The following CAPN12 variants were observed in gnomAD, a reference collection of about 807,000 sequenced individuals.
The protein encoded by CAPN12 is calpain-12.
Under a neutral mutation model 95.0 loss-of-function variants are expected in CAPN12, and 107 were observed. The ratio of observed to expected loss-of-function variants is 1.13; its 90% CI spans 0.96 to 1.32. The LOEUF (loss-of-function observed/expected upper bound fraction) is 1.32. Ranked by LOEUF, CAPN12 falls within the 40% of genes most tolerant of loss-of-function variation. The pLI is 0.00. For missense variants in CAPN12, 1,136 were observed against 997.8 expected (o/e 1.14, Z -1.87); for synonymous variants, 505 against 415.5 (o/e 1.22, Z -2.62).
chr19:38,735,660 G>A (rs1243029088), intron 12 of CAPN12, 116 bp from the exon 13 acceptor site: 1 of 482,748 alleles, frequency 2.1e-6, no homozygotes. Context: ...TGGAGCCCTG[G>A]GCTCATCCTC....
At chr19:38,742,168 A>G (rs1259519481) in intron 3 of CAPN12, 3 of 618,824 alleles carry the variant, frequency 4.8e-6, no homozygotes, top group Non-Finnish European at 8.4e-6. Flanking sequence ...TACTAAAAAT[A>G]AGAAAAAATT....
chr19:38,739,763 T>C, intron 5 of CAPN12: 1 of 282,834 alleles, frequency 3.5e-6, no homozygotes, highest in Non-Finnish European at 6.5e-6. Context: ...TACCTGCAGC[T>C]ATGGGGGATC....
rs1277109371 is a variant in CAPN12 at position 38,737,211 on chromosome 19, C to A, written c.1307G>T (p.Arg436Leu). The A allele has an allele frequency of 2.6e-6, 4 of 1,550,366 alleles. No individual in the cohort carries two copies. In the Admixed American group the frequency reaches 7.8e-5, roughly 30 times the overall value. ...AGTGAGGCCCTTGGCTCTCAGGCGC[C>A]GCCGGTTGCGCTGGATGAGGGACAG... is the stretch of plus-strand genomic sequence containing the variant. ...VLLSLIQRNR[R>L]RLRAKGLTYL... Residue 436 changes from arginine (R) to leucine (L), a missense_variant, in exon 10 of 21, where the codon CGG becomes CTG. By Grantham distance (102) the Arg-to-Leu change is moderately radical. Transcript: ENST00000328867.
chr19:38,740,225 G>A lies in CAPN12; in HGVS notation c.561-6C>T, dbSNP rs1340591550. ...CCTCATAGGAGCCGTGGAGCCTGTG[G>A]GGGCAGATCTGGGGTGAGGGTTGAG... On this transcript the variant is annotated splice_region_variant and splice_polypyrimidine_tract_variant and intron_variant, in intron 4 of 20. Coordinates refer to ENST00000328867, the MANE Select transcript of CAPN12 (RefSeq NM_144691.4). 1 of 1,597,248 alleles carries A rather than the reference G, an allele frequency of 6.3e-7. No individual in the cohort carries two copies. Among genetic ancestry groups the A allele is most frequent in the Admixed American group, 1.7e-5 (1 of 58,052 alleles).
In CAPN12 at chr19:38,730,709, C is replaced by T. The variant is rs1969517465; in HGVS notation, c.*143G>A. On this transcript the variant is annotated 3_prime_UTR_variant, in exon 21 of 21. Coordinates refer to ENST00000328867, the MANE Select transcript of CAPN12 (RefSeq NM_144691.4). ...AGGAGTACGCAGGCCAGAGTGGTCA[C>T]CCGGCCGTGAGCAGTGAGGGCCAGA... is the stretch of plus-strand genomic sequence containing the variant. 2.0e-6 allele frequency: 2 copies of T among 1,020,082 alleles called. No homozygotes were observed. The highest frequency in any genetic ancestry group is 2.6e-5 in the East Asian group (1 of 38,438). 63.2% of individuals were successfully genotyped at this position (1,020,082 alleles called of 1,614,324 possible). A position where few individuals can be genotyped will look rare whatever the true frequency, so the allele number is the denominator to read the frequency against.
At chr19:38,742,576 G>A in intron 2 of CAPN12, 48 bp from the exon 3 acceptor site, 2 of 1,360,774 alleles carry the variant, frequency 1.5e-6, no homozygotes, top group Non-Finnish European at 2.1e-6. Flanking sequence ...AGGGAGGCCT[G>A]GTGCGGTGGC....
At chr19:38,736,857 C>T (rs892791692) in intron 10 of CAPN12, 34 of 589,234 alleles carry the variant, frequency 5.8e-5, no homozygotes, top group Non-Finnish European at 9.0e-5. Flanking sequence ...CCCTGAGCCC[C>T]TCCCTCTCAT....
At chr19:38,733,148 A>G (rs1214354808) in intron 18 of CAPN12, 4 of 135,692 alleles carry the variant, frequency 2.9e-5, no homozygotes, top group Non-Finnish European at 6.2e-5. Flanking sequence ...TCTGTCACCC[A>G]GGCACAATCA....
intron 4 of CAPN12, among the ~76,000 whole-genome samples, chr19:38,740,716 C>T (rs1970496002): frequency 6.6e-6 from 1 of 151,840 alleles, no homozygotes; most frequent in African/African-American, 2.4e-5. Context: ...AGGAGAATCG[C>T]TTGAACTCGG....
intron 4 of CAPN12, 73 bp downstream of exon 4, chr19:38,741,704 T>C: frequency 6.4e-7 from 1 of 1,565,602 alleles, no homozygotes; most frequent in Non-Finnish European, 8.7e-7. Context: ...CTTGGGGGAC[T>C]CTGGGTCCCC....
At chr19:38,739,708 CA>C (rs1167563111) in intron 5 of CAPN12, 1 of 159,144 alleles carries the variant, frequency 6.3e-6, no homozygotes, top group East Asian at 1.7e-4. Context: ...CAGAAAGAGG[CA>C]CTTTTTTTTT....
At chr19:38,734,991 G>T in intron 14 of CAPN12, 121 bp from the exon 15 acceptor site, 1 of 874,150 alleles carries the variant, frequency 1.1e-6, no homozygotes. Flanking sequence ...AGGAGTGGGG[G>T]AGACAGACCT....
At chr19:38,731,447 A>G (rs950841954) in intron 18 of CAPN12, 34 of 584,014 alleles carry the variant, frequency 5.8e-5, no homozygotes, top group Non-Finnish European at 9.3e-5. Flanking sequence ...GGGTGTGTGA[A>G]GACAGAACGC....
intron 3 of CAPN12, 110 bp downstream of exon 3, chr19:38,742,300 G>T: frequency 1.2e-6 from 1 of 862,178 alleles, no homozygotes. Context: ...CTGCACTCCA[G>T]CCTGGATGAC....
intron 14 of CAPN12, chr19:38,735,076 TG>T (rs1303954474): frequency 1.7e-6 from 1 of 602,786 alleles, no homozygotes; most frequent in Non-Finnish European, 2.9e-6. Context: ...CAGACCGGCC[TG>T]GGGCAGGGGG....
intron 14 of CAPN12, 156 bp from the exon 15 acceptor site, chr19:38,735,026 C>T (rs536488475): frequency 3.7e-5 from 25 of 677,798 alleles, no homozygotes; most frequent in African/African-American, 2.0e-4. Flanking sequence ...AGGGCTGTGA[C>T]GGGGGAAGCA....
intron 1 of CAPN12, 66 bp from the exon 2 acceptor site, chr19:38,743,168 T>G: frequency 6.3e-7 from 1 of 1,585,890 alleles, no homozygotes. Flanking sequence ...TCCAGAGGAG[T>G]GAGGGCCTCC....
intron 17 of CAPN12, 62 bp from the exon 18 acceptor site, chr19:38,733,843 C>G: frequency 7.1e-7 from 1 of 1,408,292 alleles, no homozygotes. Context: ...CCAATGGGGC[C>G]TCCCAGGCAA....
Position 38,730,772 on chromosome 19 carries a change from A to T in CAPN12, c.*80T>A, listed in dbSNP as rs1969522840. On this transcript the variant is annotated 3_prime_UTR_variant, in exon 21 of 21. Transcript: ENST00000328867. ...ACAGGTGGATGCCAGAGAGAGTGGC[A>T]CCCATGCCAGGCAAGGCCTAGGGAG... 1 of 1,516,212 alleles carries T rather than the reference A, an allele frequency of 6.6e-7. No homozygotes were observed. The allele number at this position is 1,516,212 out of a possible 1,614,324, so 93.9% of individuals were successfully genotyped here. A position where few individuals can be genotyped will look rare whatever the true frequency, so the allele number is the denominator to read the frequency against.
Sources: allele counts gnomAD v4.1 joint callset (sites outside exome capture counted in the v4.1 genomes callset), GRCh38; gene constraint gnomAD v4.1.1; transcripts MANE v1.5; gene names NCBI Gene and HGNC (gene_info 2026-07-23, HGNC 2026-07-21).